MACROD2: variants seen among roughly 807,000 people sequenced by gnomAD.
The protein encoded by MACROD2 is ADP-ribose glycohydrolase MACROD2.
MACROD2 carries 36 observed loss-of-function variants against 70.4 expected under a neutral mutation model. The ratio of observed to expected loss-of-function variants is 0.51; its 90% CI spans 0.39 to 0.68. The LOEUF is 0.68. MACROD2 is among the 30% of genes least tolerant of loss of function. MACROD2 has a pLI of 0.00. For synonymous variants in MACROD2, 172 were observed against 178.8 expected (o/e 0.96, Z 0.30); for missense variants, 496 against 538.4 (o/e 0.92, Z 0.78).
intron 4 of MACROD2, among the ~76,000 whole-genome samples, chr20:14,620,031 G>A (rs770993561): frequency 8.5e-5 from 13 of 152,150 alleles, no homozygotes; most frequent in Admixed American, 1.3e-4. Context: ...GAGACAGGAA[G>A]TAGGCTGGAA....
intron 5 of MACROD2, among the ~76,000 whole-genome samples, chr20:14,838,357 T>G (rs1024496853): frequency 6.6e-6 from 1 of 152,078 alleles, no homozygotes; most frequent in Non-Finnish European, 1.5e-5. Context: ...TTTGTGAAAT[T>G]TAATAAGGCA....
intron 10 of MACROD2, among the ~76,000 whole-genome samples, chr20:15,916,831 G>A (rs568112032): frequency 6.6e-6 from 1 of 152,108 alleles, no homozygotes; most frequent in Non-Finnish European, 1.5e-5. Context: ...TAATCACTCC[G>A]CAATGAGTTC....
rs570906011 is a variant in MACROD2 at position 15,046,078 on chromosome 20, G to A, written c.419-183862G>A. ...GGCTTCAGTTAATTACTTGAATAAT[G>A]TATATATTTAAGCATCTTCTTCGCC... On this transcript the variant is annotated intron_variant, in intron 5 of 17. Transcript: ENST00000684519. 5.7e-4 allele frequency among the ~76,000 whole-genome samples: 87 copies of A among 152,102 alleles called. No individual in the cohort carries two copies. In the South Asian group the frequency reaches 0.016, roughly 28 times the overall value.
intron 3 of MACROD2, among the ~76,000 whole-genome samples, chr20:14,186,406 T>C (rs766295494): frequency 3.2e-4 from 48 of 152,134 alleles, no homozygotes; most frequent in Non-Finnish European, 5.0e-4. Flanking sequence ...CACATTGATA[T>C]ACCATCTCAC....
chr20:14,946,410 A>C (rs2423865), intron 5 of MACROD2, among the ~76,000 whole-genome samples: 70,839 of 151,808 alleles, frequency 0.47, 17,402 homozygotes, highest in African/African-American at 0.59. Context: ...AAAAAATTAC[A>C]CTTAAAATTT....
At chr20:15,185,194 A>G (rs1688482066) in intron 5 of MACROD2, among the ~76,000 whole-genome samples, 1 of 152,178 alleles carries the variant, frequency 6.6e-6, no homozygotes, top group African/African-American at 2.4e-5. Context: ...TGTCAAATTG[A>G]TGAATGAATG....
chr20:15,212,002 C>T (rs990645385), intron 5 of MACROD2, among the ~76,000 whole-genome samples: 2 of 152,132 alleles, frequency 1.3e-5, no homozygotes, highest in African/African-American at 4.8e-5. Context: ...TTAATTTCTC[C>T]ACATACTAAC....
intron 3 of MACROD2, among the ~76,000 whole-genome samples, chr20:14,267,960 A>T (rs1601416498): frequency 8.2e-6 from 1 of 122,250 alleles, no homozygotes; most frequent in East Asian, 2.2e-4. Context: ...TAAAAGAGCT[A>T]CCCACAAGCA....
chr20:14,932,242 A>G (rs2074302682), intron 5 of MACROD2, among the ~76,000 whole-genome samples: 1 of 152,036 alleles, frequency 6.6e-6, no homozygotes, highest in Non-Finnish European at 1.5e-5. Flanking sequence ...CCCACAGCTG[A>G]GAGTTTCTAA....
At chr20:14,817,908 T>A (rs2072791644) in intron 5 of MACROD2, among the ~76,000 whole-genome samples, 1 of 152,198 alleles carries the variant, frequency 6.6e-6, no homozygotes, top group East Asian at 1.9e-4. Context: ...GAGAAAGCAC[T>A]GAGCCAATGA....
intron 8 of MACROD2, among the ~76,000 whole-genome samples, chr20:15,660,898 G>A: frequency 6.6e-6 from 1 of 151,976 alleles, no homozygotes; most frequent in East Asian, 1.9e-4. Context: ...TTTTCACTTT[G>A]TACTGAAGCT....
intron 3 of MACROD2, among the ~76,000 whole-genome samples, chr20:14,361,920 G>GC (rs1335638530): frequency 1.3e-5 from 2 of 152,072 alleles, no homozygotes; most frequent in East Asian, 3.9e-4. Context: ...AATTTTCTTT[G>GC]TCTGTGCCCA....
chr20:15,977,826 A>G (rs2066331486), intron 13 of MACROD2, among the ~76,000 whole-genome samples: 1 of 152,222 alleles, frequency 6.6e-6, no homozygotes, highest in Non-Finnish European at 1.5e-5. Context: ...AGTAGATCTC[A>G]ATTTTAAAAG....
chr20:15,306,201 T>G (rs555091887), intron 6 of MACROD2, among the ~76,000 whole-genome samples: 5 of 152,340 alleles, frequency 3.3e-5, no homozygotes, highest in African/African-American at 1.2e-4. Flanking sequence ...TGATAGGTAT[T>G]TGAAAGTTGA....
At chr20:15,648,668 A>G (rs959920530) in intron 8 of MACROD2, among the ~76,000 whole-genome samples, 1 of 152,232 alleles carries the variant, frequency 6.6e-6, no homozygotes, top group Non-Finnish European at 1.5e-5. Flanking sequence ...CATTAAATAA[A>G]GGAGCAAATA....
At chr20:15,587,670 G>A (rs897891936) in intron 8 of MACROD2, among the ~76,000 whole-genome samples, 1 of 152,044 alleles carries the variant, frequency 6.6e-6, no homozygotes, top group African/African-American at 2.4e-5. Context: ...GGGGATACAG[G>A]GCCCATGCAA....
chr20:15,593,004 C>A (rs776956207), intron 8 of MACROD2, among the ~76,000 whole-genome samples: 17 of 152,158 alleles, frequency 1.1e-4, no homozygotes, highest in Non-Finnish European at 2.4e-4. Flanking sequence ...AGTGACATAT[C>A]TGCATGGAGG....
intron 6 of MACROD2, among the ~76,000 whole-genome samples, chr20:15,231,614 TA>T (rs1804098320): frequency 6.6e-6 from 1 of 152,030 alleles, no homozygotes; most frequent in Non-Finnish European, 1.5e-5. Context: ...AGAAACAGTA[TA>T]AAAATAACAT....
At chr20:15,799,233 G>A (rs2063702150) in intron 8 of MACROD2, among the ~76,000 whole-genome samples, 2 of 152,028 alleles carry the variant, frequency 1.3e-5, no homozygotes, top group African/African-American at 4.8e-5. Context: ...TGTGATATTG[G>A]GATACCTGCA....
Sources: allele counts gnomAD v4.1 joint callset (sites outside exome capture counted in the v4.1 genomes callset), GRCh38; gene constraint gnomAD v4.1.1; transcripts MANE v1.5; gene names NCBI Gene and HGNC (gene_info 2026-07-23, HGNC 2026-07-21).